The following WT1 variants were observed in gnomAD, a reference collection of about 807,000 sequenced individuals.
WT1 encodes the protein WT1 transcription factor.
Under a neutral mutation model 60.8 loss-of-function variants are expected in WT1, and 8 were observed. That is an observed-to-expected ratio of 0.13 (90% CI 0.08 to 0.24). WT1 has a LOEUF of 0.24. Among genes scored for constraint, WT1 ranks in the 10% least tolerant of loss-of-function variants. WT1 has a pLI of 1.00. For synonymous variants in WT1, 312 were observed against 297.1 expected (o/e 1.05, Z -0.52); for missense variants, 568 against 711.8 (o/e 0.80, Z 2.30).
At chr11:32,400,233 C>A (rs1459117007) in intron 5 of WT1, 189 bp from the exon 6 acceptor site, 2 of 682,856 alleles carry the variant, frequency 2.9e-6, no homozygotes, top group South Asian at 3.3e-5. Flanking sequence ...GGATCCTGGC[C>A]GCCACCTCGC....
At chr11:32,399,841 G>A in intron 6 of WT1, 107 bp downstream of exon 6, 3 of 1,228,984 alleles carry the variant, frequency 2.4e-6, no homozygotes, top group Non-Finnish European at 3.5e-6. Flanking sequence ...CTGCAGTGAA[G>A]AAGAGGCTGC....
At chr11:32,417,338 A>G (rs1173041527) in intron 4 of WT1, 2 of 542,904 alleles carry the variant, frequency 3.7e-6, no homozygotes, top group Non-Finnish European at 6.6e-6. Context: ...CAACAAGACC[A>G]TAATAAGTGT....
At chr11:32,403,976 T>C (rs1852234333) in intron 5 of WT1, among the ~76,000 whole-genome samples, 1 of 152,056 alleles carries the variant, frequency 6.6e-6, no homozygotes, top group Non-Finnish European at 1.5e-5. Context: ...CTGCATCCTC[T>C]AAACTCAGTG....
At chr11:32,406,472 C>T (rs1852313146) in intron 5 of WT1, among the ~76,000 whole-genome samples, 2 of 152,124 alleles carry the variant, frequency 1.3e-5, no homozygotes, top group Admixed American at 1.3e-4. Flanking sequence ...TGCCGCTCAC[C>T]TCCTGCTGCA....
intron 5 of WT1, among the ~76,000 whole-genome samples, chr11:32,413,012 A>G (rs991931776): frequency 6.6e-6 from 1 of 152,138 alleles, no homozygotes; most frequent in Non-Finnish European, 1.5e-5. Flanking sequence ...ACATCTAATG[A>G]AAGATGTCTC....
chr11:32,392,641 A>C (rs1164456514), intron 8 of WT1, 25 bp downstream of exon 8: 4 of 1,609,770 alleles, frequency 2.5e-6, no homozygotes, highest in Middle Eastern at 1.7e-4. Context: ...CACAGCTGCC[A>C]GCAATGAGAA....
intron 5 of WT1, among the ~76,000 whole-genome samples, chr11:32,404,030 T>C (rs1038815797): frequency 1.3e-5 from 2 of 151,940 alleles, no homozygotes; most frequent in Non-Finnish European, 2.9e-5. Context: ...TCCCAGCACT[T>C]TGGGAGGCCG....
In WT1 at chr11:32,428,702, G is replaced by GA. The variant is rs1009665327; in HGVS notation, c.662-84_662-83insT. 67 of 1,554,780 alleles carry GA rather than the reference G, an allele frequency of 4.3e-5. No individual in the cohort carries two copies. The African/African-American group carries it at 6.0e-4, about 14-fold the overall frequency. On this transcript the variant is annotated intron_variant, in intron 1 of 9. Transcript: ENST00000452863. The stretch of plus-strand genomic sequence containing the variant: ...TGGGTCTGAACCAGCCACGGGCGGG[G>GA]GGGGTGTGCGCTGAACCCCGCATTC...
intron 5 of WT1, among the ~76,000 whole-genome samples, chr11:32,409,430 C>A (rs924427494): frequency 2.0e-5 from 3 of 151,816 alleles, no homozygotes; most frequent in Non-Finnish European, 2.9e-5. Context: ...ATATGACAAG[C>A]AAAATAACTC....
At chr11:32,410,877 T>C (rs937221027) in intron 5 of WT1, among the ~76,000 whole-genome samples, 21 of 152,212 alleles carry the variant, frequency 1.4e-4, no homozygotes, top group Non-Finnish European at 2.8e-4. Flanking sequence ...TGGATAACTT[T>C]TTATTAGTGT....
intron 3 of WT1, among the ~76,000 whole-genome samples, chr11:32,418,244 T>TA (rs35515910): frequency 0.6 from 77,240 of 129,258 alleles, 22,409 homozygotes; most frequent in Non-Finnish European, 0.71. Context: ...CAAGTCAAAT[T>TA]AAAAAAAAAA....
chr11:32,428,055 T>C lies in WT1; in HGVS notation c.788A>G (p.Glu263Gly). Residue 263 changes from glutamate (E) to glycine (G), a missense_variant, in exon 3 of 10, where the codon GAG (glutamate) becomes GGG (glycine). Coordinates refer to ENST00000452863, the MANE Select transcript of WT1 (RefSeq NM_024426.6). ...CGGGGGCGGCACCGAGTACTGCTGC[T>C]CACCTGCAGAGAGAACCGAAGACAG... The C allele has an allele frequency of 6.2e-7, 1 of 1,602,018 alleles. No individual in the cohort carries two copies. Among genetic ancestry groups the C allele is most frequent in the Non-Finnish European group, 8.5e-7 (1 of 1,172,224 alleles).
chr11:32,396,523 C>T, intron 6 of WT1, 116 bp from the exon 7 acceptor site: 1 of 1,336,576 alleles, frequency 7.5e-7, no homozygotes, highest in Non-Finnish European at 1.0e-6. Context: ...AGGTGCAGAC[C>T]TAAAACCACT....
chr11:32,424,651 G>A (rs1852965721), intron 3 of WT1, among the ~76,000 whole-genome samples: 1 of 152,116 alleles, frequency 6.6e-6, no homozygotes, highest in African/African-American at 2.4e-5. Flanking sequence ...CCCATAAGTT[G>A]CTGATTGAAT....
intron 1 of WT1, among the ~76,000 whole-genome samples, chr11:32,429,978 G>GAAAAAA (rs71980595): frequency 2.2e-5 from 2 of 91,262 alleles, no homozygotes; most frequent in East Asian, 5.1e-4. Flanking sequence ...CCCCCGCCCA[G>GAAAAAA]AAAAAAAAAA....
Position 32,435,099 on chromosome 11 carries a change from C to G in WT1, c.262G>C (p.Val88Leu). The change falls in exon 1 of 10, where the codon GTC (valine) becomes CTC (leucine). Residue 88 changes from valine (V) to leucine (L), a missense_variant. Physicochemically the swap from Val to Leu is conservative, Grantham distance 32. This residue lies in a region of WT1 where 523 missense variants were observed against 565.1 expected (regional missense o/e 0.93). Transcript: ENST00000452863. The stretch of plus-strand genomic sequence containing the variant: ...CCGCCGCCGCCACCCAGGGAGGGGA[C>G]GGCGGGCAGCAGCGCGTTCAGGTCC... 4 of 1,505,530 alleles carry G rather than the reference C, an allele frequency of 2.7e-6. No homozygotes were observed. The highest frequency in any genetic ancestry group is 3.5e-6 in the Non-Finnish European group (4 of 1,135,274). 93.3% of individuals were successfully genotyped at this position (1,505,530 alleles called of 1,614,324 possible).
At chr11:32,422,658 G>A (rs537024793) in intron 3 of WT1, among the ~76,000 whole-genome samples, 1 of 152,184 alleles carries the variant, frequency 6.6e-6, no homozygotes, top group Non-Finnish European at 1.5e-5. Flanking sequence ...TGGCTGCTGA[G>A]GAAGTTTCTC....
intron 5 of WT1, 179 bp from the exon 6 acceptor site, chr11:32,400,223 G>A (rs952203522): frequency 2.7e-6 from 2 of 732,784 alleles, no homozygotes; most frequent in Admixed American, 2.1e-5. Flanking sequence ...CGAGGCCCCT[G>A]GATCCTGGCC....
intron 7 of WT1, among the ~76,000 whole-genome samples, chr11:32,393,588 C>T (rs1489639840): frequency 6.6e-6 from 1 of 152,254 alleles, no homozygotes; most frequent in Non-Finnish European, 1.5e-5. Context: ...TGTTACCTTT[C>T]CAATCTCAAA....
Sources: allele counts gnomAD v4.1 joint callset (sites outside exome capture counted in the v4.1 genomes callset), GRCh38; gene constraint gnomAD v4.1.1; regional missense constraint gnomAD v4.1.1; transcripts MANE v1.5; gene names NCBI Gene and HGNC (gene_info 2026-07-23, HGNC 2026-07-21).